Variants in TAFA1 observed in about 807,000 individuals in gnomAD.
TAFA1 encodes the protein chemokine-like protein TAFA-1.
TAFA1 carries 4 observed loss-of-function variants against 18.5 expected under a neutral mutation model. The observed-to-expected ratio is 0.22, with a 90% CI of 0.11 to 0.49. The LOEUF is 0.49. TAFA1 is among the 20% of genes least tolerant of loss of function. The pLI, the probability that TAFA1 is intolerant of heterozygous loss-of-function variation, is 0.98. For missense variants in TAFA1, 147 were observed against 169.0 expected, an observed-to-expected ratio of 0.87 and a Z score of 0.72; for synonymous variants, 56 against 55.2, an observed-to-expected ratio of 1.01 and a Z score of -0.06.
At chr3:67,996,416 G>T in the TAFA1 span, among the ~76,000 whole-genome samples, 14 of 152,252 alleles carry the variant, frequency 9.2e-5, no homozygotes, top group Admixed American at 8.5e-4. Flanking sequence ...AAATCAGGGG[G>T]GATAAAGAAA....
chr3:68,499,845 AT>A (rs1251293397), intron 3 of TAFA1, among the ~76,000 whole-genome samples: 5 of 133,756 alleles, frequency 3.7e-5, no homozygotes, highest in African/African-American at 8.5e-5. Context: ...TTCAAACTGA[AT>A]TTTTTTTTCT....
chr3:68,082,539 C>T (rs1474122898), intron 2 of TAFA1, among the ~76,000 whole-genome samples: 1 of 152,202 alleles, frequency 6.6e-6, no homozygotes, highest in Non-Finnish European at 1.5e-5. Context: ...AGTCTTGTTT[C>T]CACAACTGTA....
At chr3:68,214,150 T>C (rs1198780361) in intron 2 of TAFA1, among the ~76,000 whole-genome samples, 2 of 152,088 alleles carry the variant, frequency 1.3e-5, no homozygotes, top group African/African-American at 4.8e-5. Context: ...AGCTGGGATA[T>C]TGGTCTTTTC....
At chr3:68,274,699 C>CCCCCG (rs1250897015) in intron 2 of TAFA1, among the ~76,000 whole-genome samples, 1 of 152,042 alleles carries the variant, frequency 6.6e-6, no homozygotes, top group African/African-American at 2.4e-5. Flanking sequence ...GGTGTTTGTT[C>CCCCCG]CCCCGCCCCG....
At chr3:68,076,227 G>T (rs1186998288) in intron 2 of TAFA1, among the ~76,000 whole-genome samples, 7 of 151,686 alleles carry the variant, frequency 4.6e-5, no homozygotes, top group African/African-American at 1.7e-4. Flanking sequence ...GAATTCTAAA[G>T]TAGCCCACAC....
At chr3:68,231,851 C>T (rs2066876224) in intron 2 of TAFA1, among the ~76,000 whole-genome samples, 1 of 152,134 alleles carries the variant, frequency 6.6e-6, no homozygotes, top group Non-Finnish European at 1.5e-5. Context: ...ACTGTCTCTT[C>T]TTAACCTTAG....
At chr3:68,234,764 T>C (rs2107123155) in intron 2 of TAFA1, among the ~76,000 whole-genome samples, 1 of 152,312 alleles carries the variant, frequency 6.6e-6, no homozygotes, top group African/African-American at 2.4e-5. Context: ...AAAACCAATG[T>C]CATTGGTGTT....
chr3:68,312,978 G>A (rs1023702279), intron 2 of TAFA1, among the ~76,000 whole-genome samples: 1 of 152,136 alleles, frequency 6.6e-6, no homozygotes, highest in African/African-American at 2.4e-5. Flanking sequence ...ATCTTACATG[G>A]GTGGTGGCAG....
chr3:68,158,379 T>C (rs1049052836), intron 2 of TAFA1, among the ~76,000 whole-genome samples: 2 of 152,008 alleles, frequency 1.3e-5, no homozygotes, highest in African/African-American at 4.8e-5. Flanking sequence ...GCATTGCAGG[T>C]AGGGGCTGGT....
intron 2 of TAFA1, among the ~76,000 whole-genome samples, chr3:68,115,275 T>C (rs2065311580): frequency 6.6e-6 from 1 of 151,348 alleles, no homozygotes; most frequent in South Asian, 2.1e-4. Context: ...ATAATGAAAC[T>C]GTTAAAGAGA....
At chr3:68,515,172 A>AT (rs2072902819) in intron 3 of TAFA1, among the ~76,000 whole-genome samples, 1 of 151,998 alleles carries the variant, frequency 6.6e-6, no homozygotes, top group South Asian at 2.1e-4. Flanking sequence ...GGGCTGTAGG[A>AT]TTTTTTTATA....
intron 2 of TAFA1, among the ~76,000 whole-genome samples, chr3:68,292,567 C>A (rs974953211): frequency 2.0e-4 from 30 of 152,168 alleles, no homozygotes; most frequent in African/African-American, 7.2e-4. Flanking sequence ...CACTCTATCG[C>A]CCAAGCTGGA....
At chr3:68,134,177 T>C (rs2065579089) in intron 2 of TAFA1, among the ~76,000 whole-genome samples, 2 of 150,126 alleles carry the variant, frequency 1.3e-5, no homozygotes, top group South Asian at 4.2e-4. Flanking sequence ...GAAGAGTGAA[T>C]ATGCAAAGTG....
rs565085540 is a variant in TAFA1 at position 68,074,691 on chromosome 3, A to G, written c.118+67947A>G. Among the ~76,000 whole-genome samples, 8 of 152,334 alleles carry G rather than the reference A, an allele frequency of 5.3e-5. No homozygotes were observed. In the South Asian group the frequency reaches 1.0e-3, roughly 20 times the overall value. ...GAGACTCAGGGAGATGAAATAATCT[A>G]CAAGTCTATTTTATGGCAGAGCTGA... On this transcript the variant is annotated intron_variant, in intron 2 of 4. Coordinates refer to ENST00000478136, the MANE Select transcript of TAFA1 (RefSeq NM_213609.4).
intron 2 of TAFA1, among the ~76,000 whole-genome samples, chr3:68,137,112 T>A (rs1354084915): frequency 6.6e-6 from 1 of 152,150 alleles, no homozygotes; most frequent in Non-Finnish European, 1.5e-5. Flanking sequence ...GAAATAGGAG[T>A]ACTTTATGGG....
chr3:68,441,352 T>C (rs768238487), intron 3 of TAFA1, among the ~76,000 whole-genome samples: 5 of 152,132 alleles, frequency 3.3e-5, no homozygotes, highest in Non-Finnish European at 7.4e-5. Flanking sequence ...GTGGAGCCTC[T>C]GGCAAGCCCC....
intron 2 of TAFA1, among the ~76,000 whole-genome samples, chr3:68,157,462 T>C (rs1194759155): frequency 2.0e-5 from 3 of 152,218 alleles, no homozygotes; most frequent in African/African-American, 4.8e-5. Context: ...CTTGCCTTTC[T>C]TGGAAGGCAC....
chr3:68,148,799 G>A (rs2065772538), intron 2 of TAFA1, among the ~76,000 whole-genome samples: 1 of 151,896 alleles, frequency 6.6e-6, no homozygotes, highest in South Asian at 2.1e-4. Flanking sequence ...CTTTATACAG[G>A]GATTTTTTAT....
chr3:68,085,104 A>T (rs2064955221), intron 2 of TAFA1, among the ~76,000 whole-genome samples: 1 of 152,212 alleles, frequency 6.6e-6, no homozygotes, highest in Non-Finnish European at 1.5e-5. Flanking sequence ...GACTCACAAT[A>T]GGATTTCTCA....
Sources: gnomAD v4.1 joint callset for allele counts (sites outside exome capture counted in the v4.1 genomes callset) on GRCh38, gnomAD v4.1.1 for gene constraint, MANE v1.5 for transcripts, NCBI Gene and HGNC (gene_info 2026-07-23, HGNC 2026-07-21) for gene names.